The following DAPP1 variants were observed in gnomAD, a reference collection of about 807,000 sequenced individuals.
DAPP1 encodes dual adaptor of phosphotyrosine and 3-phosphoinositides 1, also known as dual adapter for phosphotyrosine and 3-phosphotyrosine and 3-phosphoinositide.
DAPP1 carries 20 observed loss-of-function variants against 41.5 expected under a neutral mutation model. The observed-to-expected ratio is 0.48, with a 90% CI of 0.34 to 0.70. The LOEUF (loss-of-function observed/expected upper bound fraction) is 0.70. Among genes scored for constraint, DAPP1 ranks in the 30% least tolerant of loss-of-function variants. The pLI is 0.01. For missense variants in DAPP1, 233 were observed against 333.4 expected (o/e 0.70, Z 2.35); for synonymous variants, 113 against 116.2 (o/e 0.97, Z 0.18).
chr4:99,870,306 G>T (rs1466172850), downstream of DAPP1, among the ~76,000 whole-genome samples: 3 of 150,024 alleles, frequency 2.0e-5, no homozygotes, highest in South Asian at 2.1e-4. Context: ...GGAGTTCTTA[G>T]TTGAATATGG....
intron 8 of DAPP1, 83 bp from the exon 9 acceptor site, chr4:99,868,034 C>A: frequency 8.5e-7 from 1 of 1,183,018 alleles, no homozygotes; most frequent in Non-Finnish European, 1.3e-6. Flanking sequence ...TACTAATCAA[C>A]ATGTCTTATT....
rs1651620541 is a variant in DAPP1, at chr4:99,868,245, G to A, written c.*60G>A. Reference sequence around the variant, plus strand: ...CAAGGTGGAATGTTTCCCTGACGCTGTGATCTGCAGCAGGCTTCAAATGAA... The same window carrying A: ...CAAGGTGGAATGTTTCCCTGACGCTATGATCTGCAGCAGGCTTCAAATGAA... On this transcript the variant is annotated 3_prime_UTR_variant, in exon 9 of 9. Transcript: ENST00000512369. 1.4e-6 allele frequency: 2 copies of A among 1,411,138 alleles called. No homozygotes were observed. Among genetic ancestry groups the A allele is most frequent in the African/African-American group, 1.4e-5 (1 of 70,824 alleles). The allele number at this position is 1,411,138 out of a possible 1,614,324, so 87.4% of individuals were successfully genotyped here. A position where few individuals can be genotyped will look rare whatever the true frequency, so the allele number is the denominator to read the frequency against.
chr4:99,830,347 T>C (rs147020907), intron 1 of DAPP1, among the ~76,000 whole-genome samples: 1,738 of 151,906 alleles, frequency 0.011, 41 homozygotes, highest in African/African-American at 0.039. Flanking sequence ...CATACCACTG[T>C]ACTCCAGCCT....
At chr4:99,841,932 G>C (rs77076231) in intron 3 of DAPP1, among the ~76,000 whole-genome samples, 1 of 152,038 alleles carries the variant, frequency 6.6e-6, no homozygotes, top group Non-Finnish European at 1.5e-5. Flanking sequence ...TCTTCTCCTA[G>C]ACTCTATTTT....
At chr4:99,843,129 G>C (rs760185865) in intron 3 of DAPP1, among the ~76,000 whole-genome samples, 28 of 152,146 alleles carry the variant, frequency 1.8e-4, no homozygotes, top group Non-Finnish European at 3.7e-4. Flanking sequence ...CCCAGGCCCA[G>C]CCTCACCCTG....
intron 1 of DAPP1, among the ~76,000 whole-genome samples, chr4:99,825,967 CCAAA>C (rs1169281811): frequency 1.3e-5 from 2 of 152,280 alleles, no homozygotes; most frequent in Admixed American, 1.3e-4. Flanking sequence ...GCATAGAGGG[CCAAA>C]CACTTTACCT....
intron 1 of DAPP1, among the ~76,000 whole-genome samples, chr4:99,820,700 C>T (rs537787740): frequency 1.2e-4 from 18 of 152,196 alleles, no homozygotes; most frequent in African/African-American, 3.6e-4. Context: ...GGCCGGGTAA[C>T]GAATGTTTTA....
rs1240650492 is a variant in DAPP1, at chr4:99,868,203, A to G, written c.*18A>G. The stretch of plus-strand genomic sequence containing the variant: ...TTAAATAGATCTTTCTTGCCAAGGA[A>G]TGCTCTGGCCCAGGAGCAAGGTGGA... On this transcript the variant is annotated 3_prime_UTR_variant, in exon 9 of 9. Coordinates refer to ENST00000512369, the MANE Select transcript of DAPP1 (RefSeq NM_014395.3). 2 of 1,610,770 alleles carry G rather than the reference A, an allele frequency of 1.2e-6. No homozygotes were observed. The highest frequency in any genetic ancestry group is 3.3e-5 in the Admixed American group (2 of 59,968).
At chr4:99,865,900 A>AATATATAT (rs58862847) in intron 7 of DAPP1, 134 bp from the exon 8 acceptor site, 96 of 70,144 alleles carry the variant, frequency 1.4e-3, no homozygotes, top group East Asian at 4.5e-3. Context: ...GTGTTCAACT[A>AATATATAT]ATATATATAT....
In DAPP1 at chr4:99,862,874, G is replaced by T. The variant is rs191660198; in HGVS notation, c.538-136G>T. On this transcript the variant is annotated intron_variant, in intron 5 of 8. Transcript: ENST00000512369. ...CTTTTTTCTCAGAAATGACACAAAA[G>T]AATTTTTTCAGGGTTATAGTATTTA... The T allele has an allele frequency of 1.9e-3, 1,109 of 571,936 alleles. 2 individuals are homozygous for T. The highest frequency in any genetic ancestry group is 4.5e-3 in the South Asian group (101 of 22,216). The allele number at this position is 571,936 out of a possible 1,614,324, so 35.4% of individuals were successfully genotyped here.
chr4:99,866,309 A>G lies in DAPP1; in HGVS notation c.774+188A>G, dbSNP rs150928198. 1.7e-3 allele frequency among the ~76,000 whole-genome samples: 252 copies of G among 152,212 alleles called. 5 individuals are homozygous for G. In the East Asian group the frequency reaches 0.027, roughly 16 times the overall value. On this transcript the variant is annotated intron_variant, in intron 8 of 8. Coordinates refer to ENST00000512369, the MANE Select transcript of DAPP1 (RefSeq NM_014395.3). ...TGAGAAGAGATGGAGACAGGATTGT[A>G]AAAAAGAAAGAATTAAGCCATATTT...
At chr4:99,842,926 A>G (rs931693065) in intron 3 of DAPP1, among the ~76,000 whole-genome samples, 2 of 140,950 alleles carry the variant, frequency 1.4e-5, no homozygotes, top group Admixed American at 7.5e-5. Flanking sequence ...ATCTCGGCCC[A>G]CTGCAAGCTC....
intron 1 of DAPP1, among the ~76,000 whole-genome samples, 156 bp downstream of exon 1, chr4:99,817,170 A>G (rs1722616216): frequency 6.6e-6 from 1 of 152,168 alleles, no homozygotes; most frequent in Admixed American, 6.5e-5. Flanking sequence ...TGTATCTGTT[A>G]AGTATCTTCT....
chr4:99,825,179 G>A (rs918149847), intron 1 of DAPP1, among the ~76,000 whole-genome samples: 4 of 152,122 alleles, frequency 2.6e-5, no homozygotes, highest in South Asian at 2.1e-4. Flanking sequence ...GTGTGAGCTG[G>A]CGAGTCTATC....
Position 99,816,943 on chromosome 4 carries a change from G to T in DAPP1, c.30G>T (p.Lys10Asn), listed in dbSNP as rs1316260255. The change falls in exon 1 of 9, where the codon AAG becomes AAT. Residue 10 changes from lysine (K) to asparagine (N), a missense_variant. Physicochemically the swap from Lys to Asn is moderately conservative, Grantham distance 94. Transcript: ENST00000512369. ...GCAGAGCAGAACTTCTAGAAGGGAAGATGAGCACCCAGGATCCCTCAGATC... is the reference window on the plus strand; with the variant it reads ...GCAGAGCAGAACTTCTAGAAGGGAATATGAGCACCCAGGATCCCTCAGATC... MGRAELLEG[K>N]MSTQDPSDLW... The T allele has an allele frequency of 1.9e-6, 3 of 1,609,116 alleles. No homozygotes were observed. The highest frequency in any genetic ancestry group is 2.5e-6 in the Non-Finnish European group (3 of 1,177,950).
intron 8 of DAPP1, 59 bp downstream of exon 8, chr4:99,866,180 A>C: frequency 1.1e-6 from 1 of 935,028 alleles, no homozygotes; most frequent in Non-Finnish European, 1.7e-6. Context: ...TGATGATTTC[A>C]AACATATTTC....
Position 99,863,065 on chromosome 4 carries a change from A to G in DAPP1, c.593A>G (p.Asp198Gly), listed in dbSNP as rs1331078282. The G allele has an allele frequency of 6.3e-7, 1 of 1,578,840 alleles. No individual in the cohort carries two copies. The highest frequency in any genetic ancestry group is 8.6e-7 in the Non-Finnish European group (1 of 1,166,024). The change falls in exon 6 of 9, where the codon GAC (aspartate) becomes GGC (glycine). Residue 198 changes from aspartate (D) to glycine (G), a missense_variant. Asp to Gly is a moderately conservative substitution (Grantham distance 94). Coordinates refer to ENST00000512369, the MANE Select transcript of DAPP1 (RefSeq NM_014395.3). ...AGGAATGAACTGAAATACTTCAAAG[A>G]CCAGATGGTGAGAAACATGATAATA... ...LHRNELKYFKDQMSPEPIRIL... is the reference protein window; with the variant it reads ...LHRNELKYFKGQMSPEPIRIL...
At chr4:99,867,681 T>C (rs1724508685) in intron 8 of DAPP1, among the ~76,000 whole-genome samples, 1 of 152,246 alleles carries the variant, frequency 6.6e-6, no homozygotes, top group African/African-American at 2.4e-5. Flanking sequence ...TAAAAAATGT[T>C]ACAATAATGT....
At position 99,816,830 on chromosome 4, in the gene DAPP1, A is replaced by C. The variant is rs927040334; in HGVS notation, c.-84A>C. The C allele has an allele frequency of 4.0e-6, 5 of 1,243,288 alleles. No homozygotes were observed. In the African/African-American group the frequency reaches 4.5e-5, roughly 11 times the overall value. The allele number at this position is 1,243,288 out of a possible 1,614,324, so 77.0% of individuals were successfully genotyped here. On this transcript the variant is annotated 5_prime_UTR_variant, in exon 1 of 9. Coordinates refer to ENST00000512369, the MANE Select transcript of DAPP1 (RefSeq NM_014395.3). ...TTCCTTGCCTTGGAGACTCAGAGCC[A>C]TAGCAGGCTGCTGTCTCACAGAGCG...
Sources: allele counts gnomAD v4.1 joint callset (sites outside exome capture counted in the v4.1 genomes callset), GRCh38; gene constraint gnomAD v4.1.1; transcripts MANE v1.5; gene names NCBI Gene and HGNC (gene_info 2026-07-23, HGNC 2026-07-21).